Variants in PPP1R1C observed in about 807,000 individuals in gnomAD.
PPP1R1C encodes the protein protein phosphatase 1 regulatory subunit 1C.
A neutral mutation model predicts 17.4 loss-of-function variants in PPP1R1C; 15 were observed. That is an observed-to-expected ratio of 0.86 (90% confidence interval 0.58 to 1.33). The LOEUF is 1.33. PPP1R1C is among the 40% of genes most tolerant of loss of function. The pLI is 0.00. For synonymous variants in PPP1R1C, 35 were observed against 43.1 expected (o/e 0.81, Z 0.73); for missense variants, 143 against 130.0 (o/e 1.10, Z -0.48).
intron 4 of PPP1R1C, among the ~76,000 whole-genome samples, chr2:182,080,872 C>G (rs762683389): frequency 6.6e-6 from 1 of 152,126 alleles, no homozygotes; most frequent in Non-Finnish European, 1.5e-5. Flanking sequence ...TATTTAAATT[C>G]CCTAATCATA....
chr2:182,116,625 T>A (rs1421056061), intron 4 of PPP1R1C, among the ~76,000 whole-genome samples: 1 of 152,144 alleles, frequency 6.6e-6, no homozygotes, highest in Non-Finnish European at 1.5e-5. Context: ...GAGCCCAGAT[T>A]ATAAGAGCCT....
At chr2:182,068,197 G>A (rs1688042733) in intron 4 of PPP1R1C, among the ~76,000 whole-genome samples, 1 of 152,084 alleles carries the variant, frequency 6.6e-6, no homozygotes, top group South Asian at 2.1e-4. Flanking sequence ...CTTCTCTCAT[G>A]GGGAAAATGA....
chr2:182,106,154 G>C (rs1282716956), intron 4 of PPP1R1C, among the ~76,000 whole-genome samples: 1 of 152,146 alleles, frequency 6.6e-6, no homozygotes, highest in Non-Finnish European at 1.5e-5. Context: ...ACAGGAGTGG[G>C]GCAGGGAAGT....
intron 2 of PPP1R1C, among the ~76,000 whole-genome samples, chr2:182,021,610 G>C (rs1686431634): frequency 6.6e-6 from 1 of 152,038 alleles, no homozygotes; most frequent in African/African-American, 2.4e-5. Flanking sequence ...ACAGGCGTGA[G>C]CCTCACGCCC....
chr2:182,054,748 C>T (rs1283610281), intron 2 of PPP1R1C, among the ~76,000 whole-genome samples: 4 of 152,088 alleles, frequency 2.6e-5, no homozygotes, highest in Admixed American at 2.6e-4. Flanking sequence ...GCAGCCTCTG[C>T]CTCCTGGGTT....
intron 2 of PPP1R1C, among the ~76,000 whole-genome samples, chr2:182,042,752 G>C (rs985464390): frequency 5.3e-5 from 8 of 152,186 alleles, no homozygotes; most frequent in Non-Finnish European, 8.8e-5. Flanking sequence ...TCAGTTCTGT[G>C]CACCAGCTTT....
chr2:182,052,394 A>G (rs1052284583), intron 2 of PPP1R1C, among the ~76,000 whole-genome samples: 6 of 152,242 alleles, frequency 3.9e-5, no homozygotes, highest in African/African-American at 1.4e-4. Context: ...TAGAGCAGAC[A>G]TGCTTGGCTC....
intron 4 of PPP1R1C, among the ~76,000 whole-genome samples, chr2:182,090,893 A>G (rs1688761255): frequency 2.6e-5 from 4 of 152,178 alleles, no homozygotes; most frequent in Admixed American, 2.6e-4. Flanking sequence ...AAACATAAAA[A>G]CTTTAAAGTT....
intron 5 of PPP1R1C, among the ~76,000 whole-genome samples, chr2:182,127,363 T>C (rs1689899865): frequency 1.3e-5 from 2 of 152,064 alleles, no homozygotes; most frequent in South Asian, 4.1e-4. Flanking sequence ...TTTAGAAAGT[T>C]CAAAATTGTG....
At chr2:181,993,543 C>G (rs1444654759) in intron 2 of PPP1R1C, among the ~76,000 whole-genome samples, 1 of 152,034 alleles carries the variant, frequency 6.6e-6, no homozygotes, top group Non-Finnish European at 1.5e-5. Context: ...ACAATCTTGC[C>G]TTGTCTGTAT....
intron 4 of PPP1R1C, chr2:182,064,060 C>T (rs1442704039): frequency 1.9e-5 from 8 of 413,472 alleles, no homozygotes; most frequent in East Asian, 7.8e-5. Flanking sequence ...TTTTTTTTAC[C>T]GTTATTCGCA....
chr2:182,115,802 C>CT (rs1183483154), intron 4 of PPP1R1C, among the ~76,000 whole-genome samples: 2 of 152,150 alleles, frequency 1.3e-5, no homozygotes, highest in Non-Finnish European at 2.9e-5. Flanking sequence ...CATTCTGAGG[C>CT]TTGCTGACAG....
upstream of PPP1R1C, among the ~76,000 whole-genome samples, chr2:181,984,956 T>C (rs1184404264): frequency 6.6e-6 from 1 of 152,176 alleles, no homozygotes; most frequent in Non-Finnish European, 1.5e-5. Flanking sequence ...CAGGCTAGTG[T>C]CCCACTGTTC....
intron 1 of PPP1R1C, 88 bp from the exon 2 acceptor site, chr2:181,987,751 T>G: frequency 7.5e-7 from 1 of 1,329,798 alleles, no homozygotes; most frequent in Non-Finnish European, 1.1e-6. Flanking sequence ...GGGGAAAAGA[T>G]GAGGGTGAGA....
chr2:182,093,561 T>A (rs1688848899), intron 4 of PPP1R1C, among the ~76,000 whole-genome samples: 1 of 152,228 alleles, frequency 6.6e-6, no homozygotes, highest in African/African-American at 2.4e-5. Flanking sequence ...TTTCCAAACA[T>A]TTATGCTCTG....
chr2:182,026,137 A>G, intron 2 of PPP1R1C, among the ~76,000 whole-genome samples: 1 of 85,972 alleles, frequency 1.2e-5, no homozygotes, highest in African/African-American at 5.2e-5. Flanking sequence ...AGGTTGCGAA[A>G]ATTTTCTCCC....
At chr2:182,050,183 G>A (rs1366810427) in intron 2 of PPP1R1C, among the ~76,000 whole-genome samples, 1 of 152,092 alleles carries the variant, frequency 6.6e-6, no homozygotes, top group Non-Finnish European at 1.5e-5. Flanking sequence ...TAATATCAAG[G>A]CAAGTTTTTT....
chr2:182,063,829 T>TTCA, intron 4 of PPP1R1C, 38 bp downstream of exon 4: 2 of 1,476,268 alleles, frequency 1.4e-6, no homozygotes, highest in Non-Finnish European at 1.9e-6. Context: ...TCATGAGTGG[T>TTCA]GAATCATGGC....
At chr2:182,119,302 T>C (rs2125239190), downstream of PPP1R1C, among the ~76,000 whole-genome samples, 1 of 152,156 alleles carries the variant, frequency 6.6e-6, no homozygotes, top group South Asian at 2.1e-4. Flanking sequence ...ATCCAGTCTA[T>C]CATTGTTGGA....
Sources: allele counts gnomAD v4.1 joint callset (sites outside exome capture counted in the v4.1 genomes callset), GRCh38; gene constraint gnomAD v4.1.1; transcripts MANE v1.5; gene names NCBI Gene and HGNC (gene_info 2026-07-23, HGNC 2026-07-21).